Variants in MYO15A observed in about 807,000 individuals in gnomAD.
MYO15A encodes myosin XVA.
MYO15A carries 308 observed loss-of-function variants against 394.6 expected under a neutral mutation model. The observed-to-expected ratio is 0.78, with a 90% CI of 0.71 to 0.86. The LOEUF is 0.86. MYO15A is among the 40% of genes least tolerant of loss of function. MYO15A has a pLI of 0.00. For synonymous variants in MYO15A, 1,957 were observed against 2,003.8 expected, an observed-to-expected ratio of 0.98 and a Z score of 0.62; for missense variants, 4,606 against 4,799.1, an observed-to-expected ratio of 0.96 and a Z score of 1.19.
At position 18,126,276 on chromosome 17, in the gene MYO15A, C is replaced by T. The variant is rs565703788; in HGVS notation, c.3757-71C>T. 8.5e-6 allele frequency: 11 copies of T among 1,297,164 alleles called. No homozygotes were observed. In the East Asian group the frequency reaches 2.3e-4, roughly 27 times the overall value. The allele number at this position is 1,297,164 out of a possible 1,614,324, so 80.4% of individuals were successfully genotyped here. A position where few individuals can be genotyped will look rare whatever the true frequency, so the allele number is the denominator to read the frequency against. ...GGATGGAAACAGGGAGCCAGGCTCC[C>T]AGCATAGGGGAGGGAGGGACATAGA... On this transcript the variant is annotated intron_variant, in intron 4 of 65. Transcript: ENST00000647165.
rs542219085 is a variant in MYO15A, at chr17:18,131,471, C to A, written c.4146C>A (p.Gly1382=). The A allele has an allele frequency of 1.2e-6, 2 of 1,613,980 alleles. No individual in the cohort carries two copies. Among genetic ancestry groups the A allele is most frequent in the Non-Finnish European group, 1.7e-6 (2 of 1,179,988 alleles). ...GKFVEIFLEG[G]VISGAITSQY... is the part of the protein sequence containing the mutation. ...CTGACTGTGCTCCCCACCCCAGGGG[C>A]GTGATCTCTGGTGCCATAACCTCCC... The change falls in exon 10 of 66, where the codon GGC becomes GGA. Residue 1382 remains glycine, a synonymous_variant. Transcript: ENST00000647165.
At chr17:18,131,643 T>C in intron 10 of MYO15A, 112 bp downstream of exon 10, 2 of 1,140,644 alleles carry the variant, frequency 1.8e-6, no homozygotes, top group Non-Finnish European at 2.6e-6. Flanking sequence ...AATGAACGAA[T>C]ACATGCGTAC....
At chr17:18,138,059 T>C in intron 16 of MYO15A, 56 bp from the exon 17 acceptor site, 2 of 643,320 alleles carry the variant, frequency 3.1e-6, no homozygotes, top group Non-Finnish European at 4.1e-6. Flanking sequence ...GGAGGGAGGG[T>C]GGGTGGGCCC....
intron 1 of MYO15A, 64 bp downstream of exon 1, chr17:18,108,888 C>A (rs1451163125): frequency 6.5e-6 from 1 of 152,736 alleles, no homozygotes; most frequent in Admixed American, 6.5e-5. Context: ...TCCCAGGCTG[C>A]AGGGGTGATA....
In MYO15A at chr17:18,120,375, G is replaced by A. The variant is rs774572758; in HGVS notation, c.1575G>A (p.Val525=). The change falls in exon 2 of 66, where the codon GTG becomes GTA. Residue 525 remains valine, a synonymous_variant. Transcript: ENST00000647165. ...DEEELPPVSA[V]PYGHPFWGFL... ...AGGAGCTGCCCCCGGTTTCCGCTGT[G>A]CCCTACGGCCACCCTTTCTGGGGCT... is the stretch of plus-strand genomic sequence containing the variant. 1.9e-6 allele frequency: 3 copies of A among 1,611,680 alleles called. No homozygotes were observed. The highest frequency in any genetic ancestry group is 2.5e-6 in the Non-Finnish European group (3 of 1,179,862).
chr17:18,138,089 G>T lies in MYO15A; in HGVS notation c.4876-26G>T, dbSNP rs536211669. ...GGGCCCTGGACAGGGATGGGAGGTT[G>T]AGCTCCTGCTGCCCACTGCCTGCAG... is the stretch of plus-strand genomic sequence containing the variant. On this transcript the variant is annotated intron_variant, in intron 16 of 65. Transcript: ENST00000647165. The T allele has an allele frequency of 5.0e-5, 81 of 1,605,362 alleles. 2 individuals carry two copies. The South Asian group carries it at 8.5e-4, about 17-fold the overall frequency.
At chr17:18,166,711 G>A (rs559970732) in intron 61 of MYO15A, among the ~76,000 whole-genome samples, 190 bp downstream of exon 61, 1 of 152,194 alleles carries the variant, frequency 6.6e-6, no homozygotes, top group African/African-American at 2.4e-5. Context: ...ACCTTTGAGA[G>A]CCTTTGCGCA....
At chr17:18,177,780 G>A (rs1057148365) in intron 65 of MYO15A, 1 of 152,196 alleles carries the variant, frequency 6.6e-6, no homozygotes, top group Non-Finnish European at 1.5e-5. Flanking sequence ...GGACACATCA[G>A]GCCTTTAGGA....
intron 51 of MYO15A, 30 bp downstream of exon 51, chr17:18,157,930 G>GGGGGGGGC: frequency 2.3e-6 from 1 of 429,326 alleles, no homozygotes; most frequent in Non-Finnish European, 4.2e-6. Flanking sequence ...GGTGGGGCGG[G>GGGGGGGGC]GTAGACCAGG....
chr17:18,170,035 T>A lies in MYO15A; in HGVS notation c.10083-1603T>A, dbSNP rs139260000. 6.7e-3 allele frequency among the ~76,000 whole-genome samples: 1,009 copies of A among 151,154 alleles called. 9 individuals carry two copies. The highest frequency in any genetic ancestry group is 0.023 in the African/African-American group (966 of 41,186). ...ATTTTACATGTTCAAAGCTCTGTAC[T>A]TTTACATTTTCAAAGCTCTGTACTG... On this transcript the variant is annotated intron_variant, in intron 62 of 65. Coordinates refer to ENST00000647165, the MANE Select transcript of MYO15A (RefSeq NM_016239.4).
At chr17:18,178,569 C>T (rs1299892266) in intron 65 of MYO15A, 200 bp from the exon 66 acceptor site, 3 of 672,742 alleles carry the variant, frequency 4.5e-6, no homozygotes, top group African/African-American at 3.5e-5. Flanking sequence ...GCTTGCTTAC[C>T]CCTTGCAGCC....
At chr17:18,167,899 A>G (rs998158074) in intron 62 of MYO15A, among the ~76,000 whole-genome samples, 176 bp downstream of exon 62, 2 of 152,222 alleles carry the variant, frequency 1.3e-5, no homozygotes, top group Non-Finnish European at 2.9e-5. Flanking sequence ...CCAACTAGCC[A>G]CAGGAGCTGG....
At chr17:18,131,598 C>T (rs2046167555) in intron 10 of MYO15A, 67 bp downstream of exon 10, 1 of 1,573,964 alleles carries the variant, frequency 6.4e-7, no homozygotes, top group South Asian at 1.1e-5. Flanking sequence ...ATACTCAGAG[C>T]CTGGCCCCTG....
At position 18,149,497 on chromosome 17, in the gene MYO15A, C is replaced by G; in HGVS notation, c.7129C>G (p.Leu2377Val). ...GTATHQESDSLGEPAVPHKGL... is the reference protein window; with the variant it reads ...GTATHQESDSVGEPAVPHKGL... ...GCCTTCCCCTCCAGAGTCAGACAGT[C>G]TTGGAGAGCCTGCTGTGCCCCACAA... Residue 2377 changes from leucine (L) to valine (V), a missense_variant, in exon 35 of 66, where the codon CTT becomes GTT. Transcript: ENST00000647165. 1 of 1,614,178 alleles carries G rather than the reference C, an allele frequency of 6.2e-7. No homozygotes were observed. Among genetic ancestry groups the G allele is most frequent in the Non-Finnish European group, 8.5e-7 (1 of 1,180,028 alleles).
Position 18,118,766 on chromosome 17 carries a change from C to A in MYO15A, c.-35C>A, listed in dbSNP as rs772879729. 1.1e-5 allele frequency: 18 copies of A among 1,607,382 alleles called. No individual in the cohort carries two copies. Among genetic ancestry groups the A allele is most frequent in the Non-Finnish European group, 1.5e-5 (18 of 1,177,694 alleles). ...TCTCCAAGTCCCTGAGCCCGTGACA[C>A]CGGCCCCAGGCCCTGTAGAGAGCAG... On this transcript the variant is annotated 5_prime_UTR_variant, in exon 2 of 66. Transcript: ENST00000647165.
chr17:18,155,193 G>C lies in MYO15A; in HGVS notation c.8308G>C (p.Glu2770Gln). ...GGTCAGCACTGCACGAGACACCTGGGAGGTCTACTTCTCCCGCATCTTCCC... is the reference window on the plus strand; with the variant it reads ...GGTCAGCACTGCACGAGACACCTGGCAGGTCTACTTCTCCCGCATCTTCCC... ...AVVSTARDTW[E>Q]VYFSRIFPAT... The change falls in exon 46 of 66, where the codon GAG becomes CAG. Residue 2770 changes from glutamate (E) to glutamine (Q), a missense_variant. This residue lies in a region of MYO15A where 2,776 missense variants were observed against 3,109.3 expected (regional missense o/e 0.89). Transcript: ENST00000647165. 1 of 1,613,974 alleles carries C rather than the reference G, an allele frequency of 6.2e-7. No homozygotes were observed. The highest frequency in any genetic ancestry group is 1.6e-4 in the Middle Eastern group (1 of 6,062).
chr17:18,139,691 G>A, intron 19 of MYO15A, 80 bp downstream of exon 19: 2 of 1,528,210 alleles, frequency 1.3e-6, no homozygotes, highest in Non-Finnish European at 1.8e-6. Flanking sequence ...TCAGGCCTGG[G>A]ACCGTGTTGC....
chr17:18,171,768 C>T lies in MYO15A; in HGVS notation c.10213C>T (p.Leu3405=). 2 of 1,609,020 alleles carry T rather than the reference C, an allele frequency of 1.2e-6. No homozygotes were observed. Among genetic ancestry groups the T allele is most frequent in the South Asian group, 2.2e-5 (2 of 91,040 alleles). Residue 3405 remains leucine, a synonymous_variant, in exon 63 of 66, where the codon CTG becomes TTG. Transcript: ENST00000647165. ...CCCCCACCAGGCCCGTGCCCAGTTT[C>T]TGGGTAAGAGCTGCAGGGCAGGGGA... ...LSPHQARAQF[L]GLLSALPMFG... is the part of the protein sequence containing the mutation.
chr17:18,133,118 G>T, intron 11 of MYO15A, 107 bp from the exon 12 acceptor site: 2 of 1,163,998 alleles, frequency 1.7e-6, no homozygotes, highest in Non-Finnish European at 2.5e-6. Flanking sequence ...ATGACAGCTT[G>T]AGTGACCAAC....
Sources: allele counts gnomAD v4.1 joint callset (sites outside exome capture counted in the v4.1 genomes callset), GRCh38; gene constraint gnomAD v4.1.1; regional missense constraint gnomAD v4.1.1; transcripts MANE v1.5; gene names NCBI Gene and HGNC (gene_info 2026-07-23, HGNC 2026-07-21).